The following TMEM132B variants were observed in gnomAD, a reference collection of about 807,000 sequenced individuals.
TMEM132B encodes the protein transmembrane protein 132B.
Under a neutral mutation model 90.8 loss-of-function variants are expected in TMEM132B, and 18 were observed. That is an observed-to-expected ratio of 0.20 (90% CI 0.14 to 0.29). The LOEUF (loss-of-function observed/expected upper bound fraction) is 0.29. TMEM132B is among the 10% of genes least tolerant of loss of function. TMEM132B has a pLI of 1.00. For missense variants in TMEM132B, 1,096 were observed against 1,326.8 expected, an observed-to-expected ratio of 0.83 and a Z score of 2.70; for synonymous variants, 504 against 523.3, an observed-to-expected ratio of 0.96 and a Z score of 0.50.
chr12:125,563,566 A>AAAACAAACAAACAAAC lies in TMEM132B; in HGVS notation c.1294-20265_1294-20250dup, dbSNP rs55666916. ...GGCATCAGAGCGAGACTCTGTCTCAAAAACAAACAAACAAACAAACAAACA... is the reference window on the plus strand; with the variant it reads ...GGCATCAGAGCGAGACTCTGTCTCAAAAACAAACAAACAAACAAACAAACAAACAAACAAACAAACA... On this transcript the variant is annotated intron_variant, in intron 4 of 8. Transcript: ENST00000682704. Among the ~76,000 whole-genome samples the AAAACAAACAAACAAAC allele has an allele frequency of 3.0e-3, 441 of 145,682 alleles. 3 individuals carry two copies. Among genetic ancestry groups the AAAACAAACAAACAAAC allele is most frequent in the African/African-American group, 8.0e-3 (308 of 38,686 alleles).
intron 1 of TMEM132B, among the ~76,000 whole-genome samples, chr12:125,318,548 T>C (rs1876346087): frequency 1.3e-5 from 2 of 152,088 alleles, no homozygotes; most frequent in Admixed American, 1.3e-4. Context: ...CCAGTGTGTG[T>C]TGTCCCTGAC....
intron 3 of TMEM132B, among the ~76,000 whole-genome samples, chr12:125,419,571 A>G (rs1880115308): frequency 6.6e-6 from 1 of 152,218 alleles, no homozygotes; most frequent in Non-Finnish European, 1.5e-5. Context: ...TGTGGAAAAT[A>G]TGGGAGCTAC....
intron 1 of TMEM132B, among the ~76,000 whole-genome samples, chr12:125,280,773 C>T (rs1235331147): frequency 6.6e-6 from 1 of 152,164 alleles, no homozygotes; most frequent in Non-Finnish European, 1.5e-5. Context: ...GTCAGCAGCA[C>T]GGGGAATGCT....
rs371741207 is a variant in TMEM132B, at chr12:125,437,859, C to T, written c.1106+22182C>T. 3.3e-5 allele frequency among the ~76,000 whole-genome samples: 5 copies of T among 152,062 alleles called. 1 individual carries two copies. The South Asian group carries it at 6.2e-4, about 19-fold the overall frequency. ...AATATGGGTTTTCCTCTTGGGGTGACGAAAACGTTCTGGAGGTGGGTGGTG... is the reference window on the plus strand; with the variant it reads ...AATATGGGTTTTCCTCTTGGGGTGATGAAAACGTTCTGGAGGTGGGTGGTG... On this transcript the variant is annotated intron_variant, in intron 3 of 8. Transcript: ENST00000682704.
intron 1 of TMEM132B, among the ~76,000 whole-genome samples, chr12:125,229,562 T>C (rs1435222481): frequency 6.6e-6 from 1 of 152,244 alleles, no homozygotes; most frequent in Non-Finnish European, 1.5e-5. Context: ...TGTATCTATC[T>C]ATCTGTCATC....
intron 2 of TMEM132B, among the ~76,000 whole-genome samples, chr12:125,378,364 A>G (rs1878557271): frequency 6.6e-6 from 1 of 152,208 alleles, no homozygotes; most frequent in Non-Finnish European, 1.5e-5. Flanking sequence ...TGCACGTACC[A>G]TCAAATCCAA....
intron 1 of TMEM132B, among the ~76,000 whole-genome samples, chr12:125,252,161 A>C (rs551360950): frequency 4.3e-4 from 65 of 152,338 alleles, no homozygotes; most frequent in Admixed American, 1.1e-3. Context: ...AAATAATGAC[A>C]ACCAAGACAA....
chr12:125,193,363 G>A (rs1872847284), intron 1 of TMEM132B, among the ~76,000 whole-genome samples: 1 of 152,188 alleles, frequency 6.6e-6, no homozygotes, highest in Non-Finnish European at 1.5e-5. Context: ...TTGTCCTGGA[G>A]TTTTGCCTCA....
intron 2 of TMEM132B, among the ~76,000 whole-genome samples, chr12:125,381,102 C>A (rs1242861420): frequency 6.6e-6 from 1 of 152,216 alleles, no homozygotes; most frequent in African/African-American, 2.4e-5. Flanking sequence ...ATAAAACCAG[C>A]CTTAGCCCCA....
Position 125,654,266 on chromosome 12 carries a change from T to C in TMEM132B, c.2808T>C (p.Phe936=). 1 of 1,613,960 alleles carries C rather than the reference T, an allele frequency of 6.2e-7. No individual in the cohort carries two copies. The highest frequency in any genetic ancestry group is 8.5e-7 in the Non-Finnish European group (1 of 1,180,040). ...CCTGGAAATACAGACACAAAAGGTT[T>C]GCTGTGAGTGAGCAGGGCAACATCC... ...AFAWKYRHKR[F]AVSEQGNIPH... is the part of the protein sequence containing the mutation. Residue 936 remains phenylalanine (F), a synonymous_variant, in exon 9 of 9, where the codon TTT becomes TTC. Coordinates refer to ENST00000682704, the MANE Select transcript of TMEM132B (RefSeq NM_001366854.1). The surrounding 1 kb of genome is among the most constrained non-coding windows in gnomAD (Gnocchi z 5.8).
At chr12:125,641,363 A>G (rs1016899473) in intron 5 of TMEM132B, among the ~76,000 whole-genome samples, 1 of 152,232 alleles carries the variant, frequency 6.6e-6, no homozygotes, top group Non-Finnish European at 1.5e-5. Flanking sequence ...AATGAGGGTC[A>G]TCTGTAATTG....
chr12:125,557,696 G>A (rs73416315), intron 4 of TMEM132B, among the ~76,000 whole-genome samples: 1,368 of 42,406 alleles, frequency 0.032, 14 homozygotes, highest in African/African-American at 0.11. Flanking sequence ...TAAGGACATG[G>A]CAGAGATAAA....
chr12:125,457,843 A>G (rs1166535208), intron 3 of TMEM132B, among the ~76,000 whole-genome samples: 2 of 152,238 alleles, frequency 1.3e-5, no homozygotes, highest in Non-Finnish European at 2.9e-5. Context: ...ATGATGCAGA[A>G]GGCCACAGGT....
intron 5 of TMEM132B, among the ~76,000 whole-genome samples, chr12:125,622,790 G>C (rs1043524574): frequency 6.6e-6 from 1 of 152,122 alleles, no homozygotes; most frequent in African/African-American, 2.4e-5. Context: ...TTTTCTCAAA[G>C]TCTCAGAGAC....
At chr12:125,594,636 T>C (rs747385963) in intron 5 of TMEM132B, among the ~76,000 whole-genome samples, 1 of 152,230 alleles carries the variant, frequency 6.6e-6, no homozygotes, top group East Asian at 1.9e-4. Context: ...CGATTACTGA[T>C]GTTGAGCATC....
intron 5 of TMEM132B, among the ~76,000 whole-genome samples, chr12:125,625,127 C>CTTGTTTTT (rs1886200241): frequency 9.5e-6 from 1 of 105,030 alleles, no homozygotes; most frequent in African/African-American, 4.1e-5. Context: ...TTGGATTTGA[C>CTTGTTTTT]TTCTTTTTTT....
Position 125,656,766 on chromosome 12 carries a change from T to C in TMEM132B, c.*2056T>C, listed in dbSNP as rs1483430730. 1 of 152,244 alleles carries C rather than the reference T, an allele frequency of 6.6e-6. No individual in the cohort carries two copies. Among genetic ancestry groups the C allele is most frequent in the Non-Finnish European group, 1.5e-5 (1 of 68,058 alleles). 9.4% of individuals were successfully genotyped at this position (152,244 alleles called of 1,614,324 possible). A position where few individuals can be genotyped will look rare whatever the true frequency, so the allele number is the denominator to read the frequency against. On this transcript the variant is annotated 3_prime_UTR_variant, in exon 9 of 9. Transcript: ENST00000682704. The stretch of plus-strand genomic sequence containing the variant: ...ACCATCCAGGACCGAAGAAAGCTCA[T>C]GTGCTGATTGACACATAGCTATCCA...
At chr12:125,400,290 G>T (rs1354158919) in intron 2 of TMEM132B, among the ~76,000 whole-genome samples, 2 of 152,234 alleles carry the variant, frequency 1.3e-5, no homozygotes, top group African/African-American at 4.8e-5. Context: ...GCAATGAGAC[G>T]GGAGAGTGGC....
intron 6 of TMEM132B, among the ~76,000 whole-genome samples, chr12:125,645,721 T>C (rs567669723): frequency 3.7e-4 from 57 of 152,184 alleles, no homozygotes; most frequent in Non-Finnish European, 6.5e-4. Flanking sequence ...AGACTTAAGT[T>C]GAGCCTGCCT....
Sources: allele counts gnomAD v4.1 joint callset (sites outside exome capture counted in the v4.1 genomes callset), GRCh38; gene constraint gnomAD v4.1.1; non-coding constraint Gnocchi (gnomAD v3.1); transcripts MANE v1.5; gene names NCBI Gene and HGNC (gene_info 2026-07-23, HGNC 2026-07-21).